ANKH: variants seen among roughly 807,000 people sequenced by gnomAD.
The protein encoded by ANKH is ANKH inorganic pyrophosphate transport regulator, also known as mineralization regulator ANKH.
A neutral mutation model predicts 49.0 loss-of-function variants in ANKH; 15 were observed. The ratio of observed to expected loss-of-function variants is 0.31; its 90% CI spans 0.20 to 0.47. The LOEUF (loss-of-function observed/expected upper bound fraction) is 0.47, where lower values mean the gene tolerates loss of function less well. Ranked by LOEUF, ANKH falls within the 20% of genes least tolerant of loss-of-function variation. The probability of loss-of-function intolerance (pLI) is 1.00; values close to 1 mark genes in which losing one functional copy is unlikely to be tolerated. For synonymous variants in ANKH, 273 were observed against 260.0 expected, an observed-to-expected ratio of 1.05 and a Z score of -0.48; for missense variants, 429 against 652.0, an observed-to-expected ratio of 0.66 and a Z score of 3.72.
chr5:14,860,122 A>G (rs1735437051), intron 1 of ANKH, among the ~76,000 whole-genome samples: 1 of 152,234 alleles, frequency 6.6e-6, no homozygotes, highest in African/African-American at 2.4e-5. Flanking sequence ...ATGAGGTACA[A>G]CCAGCTGCAC....
chr5:14,721,170 G>A (rs558061865), intron 8 of ANKH, among the ~76,000 whole-genome samples: 1 of 152,322 alleles, frequency 6.6e-6, no homozygotes, highest in East Asian at 1.9e-4. Context: ...GTTAAGTAAG[G>A]TTTGATGGAT....
intron 1 of ANKH, among the ~76,000 whole-genome samples, chr5:14,785,141 T>A (rs763341702): frequency 3.2e-4 from 48 of 152,226 alleles, no homozygotes; most frequent in Non-Finnish European, 6.0e-4. Flanking sequence ...TAAGCCTTTT[T>A]GAGATCTGTG....
intron 4 of ANKH, among the ~76,000 whole-genome samples, chr5:14,751,597 A>G (rs1314338076): frequency 1.3e-5 from 2 of 152,228 alleles, no homozygotes; most frequent in Non-Finnish European, 2.9e-5. Context: ...TAACTATTCA[A>G]ATAATGACGG....
At chr5:14,768,015 T>G (rs1411328038) in intron 2 of ANKH, 1 of 152,210 alleles carries the variant, frequency 6.6e-6, no homozygotes, top group East Asian at 1.9e-4. Flanking sequence ...CATCAGCAGA[T>G]GCGCTCTCTT....
Position 14,737,965 on chromosome 5 carries a change from C to T in ANKH, c.1011+3862G>A, listed in dbSNP as rs1738239855. On this transcript the variant is annotated intron_variant, in intron 8 of 11. Coordinates refer to ENST00000284268, the MANE Select transcript of ANKH (RefSeq NM_054027.6). The surrounding 1 kb of genome is among the most constrained non-coding windows in gnomAD (Gnocchi z 5.0). ...TCCGGCTAAGCATGCCTAACCGCAGCTCTGAAGGACTGAAAGCAAGATGCT... is the reference window on the plus strand; with the variant it reads ...TCCGGCTAAGCATGCCTAACCGCAGTTCTGAAGGACTGAAAGCAAGATGCT... Among the ~76,000 whole-genome samples the T allele has an allele frequency of 6.6e-6, 1 of 152,202 alleles. No individual in the cohort carries two copies. The highest frequency in any genetic ancestry group is 2.1e-4 in the South Asian group (1 of 4,832).
intron 5 of ANKH, among the ~76,000 whole-genome samples, chr5:14,749,582 C>G (rs192964102): frequency 2.6e-5 from 4 of 152,230 alleles, no homozygotes; most frequent in African/African-American, 9.6e-5. Flanking sequence ...CATACTGAGA[C>G]TCGGGGAATC....
chr5:14,867,572 A>G (rs1735683630), intron 1 of ANKH, among the ~76,000 whole-genome samples: 1 of 148,332 alleles, frequency 6.7e-6, no homozygotes, highest in South Asian at 2.1e-4. Flanking sequence ...TTTTTTTTTG[A>G]GACGGAGTCT....
At chr5:14,746,113 G>A (rs1726382953) in intron 6 of ANKH, 151 bp from the exon 7 acceptor site, 1 of 710,206 alleles carries the variant, frequency 1.4e-6, no homozygotes, top group South Asian at 1.5e-5. Flanking sequence ...GCACAGGACG[G>A]CCCAGGACGG....
intron 8 of ANKH, among the ~76,000 whole-genome samples, chr5:14,722,529 A>G (rs929913747): frequency 2.0e-5 from 3 of 152,210 alleles, no homozygotes; most frequent in Admixed American, 6.5e-5. Flanking sequence ...CTGTGCCCCA[A>G]AATAAAAGAA....
At chr5:14,764,231 G>C (rs1048717664) in intron 2 of ANKH, among the ~76,000 whole-genome samples, 17 of 152,110 alleles carry the variant, frequency 1.1e-4, no homozygotes, top group Non-Finnish European at 2.4e-4. Flanking sequence ...CCCTCGCCTT[G>C]AATCTGGGCT....
chr5:14,795,904 T>C (rs1221323550), intron 1 of ANKH, among the ~76,000 whole-genome samples: 1 of 151,746 alleles, frequency 6.6e-6, no homozygotes, highest in Non-Finnish European at 1.5e-5. Context: ...TAAAAGCGAA[T>C]ATCCTAAGAT....
At chr5:14,724,023 A>G (rs1259992774) in intron 8 of ANKH, among the ~76,000 whole-genome samples, 1 of 152,162 alleles carries the variant, frequency 6.6e-6, no homozygotes, top group East Asian at 1.9e-4. Flanking sequence ...TCAATGAGTA[A>G]TTTAACATTT....
At chr5:14,818,685 A>G (rs981807935) in intron 1 of ANKH, among the ~76,000 whole-genome samples, 1 of 151,850 alleles carries the variant, frequency 6.6e-6, no homozygotes, top group Non-Finnish European at 1.5e-5. Context: ...AGAAGCAGAA[A>G]AAAGAATTAG....
intron 1 of ANKH, among the ~76,000 whole-genome samples, chr5:14,824,853 C>G (rs749429891): frequency 6.6e-6 from 1 of 152,134 alleles, no homozygotes; most frequent in Non-Finnish European, 1.5e-5. Context: ...AAAAGGTGAG[C>G]AATATCACTT....
intron 2 of ANKH, among the ~76,000 whole-genome samples, chr5:14,765,187 A>G (rs2126505715): frequency 6.6e-6 from 1 of 152,254 alleles, no homozygotes; most frequent in East Asian, 1.9e-4. Context: ...TGTCTCATAC[A>G]TGGGTCCATG....
intron 8 of ANKH, among the ~76,000 whole-genome samples, chr5:14,733,841 T>C (rs1738082708): frequency 1.3e-5 from 2 of 152,246 alleles, no homozygotes; most frequent in Non-Finnish European, 2.9e-5. Context: ...AGGCGCCACA[T>C]CTTTGCTTTC....
intron 1 of ANKH, among the ~76,000 whole-genome samples, chr5:14,866,059 G>T (rs1459139730): frequency 6.6e-6 from 1 of 152,046 alleles, no homozygotes; most frequent in Non-Finnish European, 1.5e-5. Flanking sequence ...AGGTATTGAG[G>T]TATTCAGTGC....
At chr5:14,723,181 C>G (rs1385786937) in intron 8 of ANKH, among the ~76,000 whole-genome samples, 1 of 152,044 alleles carries the variant, frequency 6.6e-6, no homozygotes, top group African/African-American at 2.4e-5. Context: ...CACGAGAAAA[C>G]AAACCAGTGA....
At position 14,745,923 on chromosome 5, in the gene ANKH, T is replaced by C. The variant is rs1201921492; in HGVS notation, c.862A>G (p.Met288Val). Residue 288 changes from methionine (M) to valine (V), a missense_variant, in exon 7 of 12, where the codon ATG (methionine) becomes GTG (valine). Physicochemically the swap from Met to Val is conservative, Grantham distance 21. Transcript: ENST00000284268. This position sits in a 1 kb window ranked among gnomAD's most constrained non-coding sequence, Gnocchi z 4.7. ...ILTATYPVGH[M>V]PYGWLTEIRA... The stretch of plus-strand genomic sequence containing the variant: ...ATTTCCGTCAACCAGCCGTATGGCA[T>C]GTGACCCACAGGGTATGTGGCTGTC... 1 of 1,614,216 alleles carries C rather than the reference T, an allele frequency of 6.2e-7. No homozygotes were observed. Among genetic ancestry groups the C allele is most frequent in the Non-Finnish European group, 8.5e-7 (1 of 1,180,040 alleles).
Sources: gnomAD v4.1 joint callset for allele counts (sites outside exome capture counted in the v4.1 genomes callset) on GRCh38, gnomAD v4.1.1 for gene constraint, Gnocchi (gnomAD v3.1) non-coding constraint, MANE v1.5 for transcripts, NCBI Gene and HGNC (gene_info 2026-07-23, HGNC 2026-07-21) for gene names.